Variants in LARP1 observed in about 807,000 individuals in gnomAD.
LARP1 encodes la-related protein 1.
A neutral mutation model predicts 122.7 loss-of-function variants in LARP1; 36 were observed. That is an observed-to-expected ratio of 0.29 (90% CI 0.22 to 0.39). The LOEUF is 0.39. Among genes scored for constraint, LARP1 ranks in the 10% least tolerant of loss-of-function variants. The pLI, the probability that LARP1 is intolerant of heterozygous loss-of-function variation, is 1.00. For missense variants in LARP1, 1,040 were observed against 1,403.6 expected (o/e 0.74, Z 4.14); for synonymous variants, 539 against 528.7 (o/e 1.02, Z -0.27).
At chr5:154,695,142 C>A (rs1380697264) in intron 1 of LARP1, among the ~76,000 whole-genome samples, 2 of 151,992 alleles carry the variant, frequency 1.3e-5, no homozygotes, top group Admixed American at 1.3e-4. Flanking sequence ...GGTGAAACCC[C>A]GTCTCTACTA....
At chr5:154,741,752 G>A (rs1486166567) in intron 1 of LARP1, among the ~76,000 whole-genome samples, 1 of 152,224 alleles carries the variant, frequency 6.6e-6, no homozygotes, top group Admixed American at 6.5e-5. Context: ...GTGGGCCAAA[G>A]TGAGAGGTCT....
chr5:154,737,960 G>A (rs1254043969), intron 1 of LARP1, among the ~76,000 whole-genome samples: 1 of 152,016 alleles, frequency 6.6e-6, no homozygotes, highest in East Asian at 1.9e-4. Context: ...CTCAGATCTT[G>A]TCTTCATCTC....
upstream of LARP1, among the ~76,000 whole-genome samples, chr5:154,708,082 C>CG (rs573536424): frequency 3.5e-3 from 538 of 152,246 alleles, 3 homozygotes; most frequent in African/African-American, 0.012. Context: ...CTTCCCAGTT[C>CG]GGGGGTCTTT....
At chr5:154,756,229 C>T in intron 1 of LARP1, 36 bp downstream of exon 1, 1 of 1,209,786 alleles carries the variant, frequency 8.3e-7, no homozygotes, top group South Asian at 1.5e-5. Context: ...GGTCCGGGGG[C>T]CTCTTCCGGG....
Position 154,815,580 on chromosome 5 carries a change from T to A in LARP1, c.*1484T>A, listed in dbSNP as rs112007170. ...TCTCTCCCTAAGGTCTGGTGGAGTC[T>A]CCCCATCTTGCATACCCTTCTGCAA... On this transcript the variant is annotated 3_prime_UTR_variant, in exon 19 of 19. Coordinates refer to ENST00000518297, the MANE Select transcript of LARP1 (RefSeq NM_033551.3). The A allele has an allele frequency of 3.3e-5, 5 of 152,282 alleles. No individual in the cohort carries two copies. In the South Asian group the frequency reaches 1.0e-3, roughly 32 times the overall value. The allele number at this position is 152,282 out of a possible 1,614,324, so 9.4% of individuals were successfully genotyped here. A position where few individuals can be genotyped will look rare whatever the true frequency, so the allele number is the denominator to read the frequency against.
At chr5:154,732,679 C>T (rs948141447) in intron 1 of LARP1, among the ~76,000 whole-genome samples, 3 of 152,168 alleles carry the variant, frequency 2.0e-5, no homozygotes, top group African/African-American at 7.2e-5. Context: ...GCAAAATATT[C>T]ATCCTATAGG....
intron 1 of LARP1, chr5:154,729,646 A>T: frequency 2.5e-6 from 1 of 402,660 alleles, no homozygotes; most frequent in East Asian, 6.3e-5. Context: ...AGAACCAATG[A>T]ATAGGAGCCT....
intron 1 of LARP1, among the ~76,000 whole-genome samples, chr5:154,704,041 C>G (rs1239690705): frequency 6.6e-6 from 1 of 152,150 alleles, no homozygotes; most frequent in Admixed American, 6.5e-5. Context: ...GCAATGTATA[C>G]CCCCAGGGAG....
At chr5:154,781,393 C>G (rs1756420452) in intron 1 of LARP1, among the ~76,000 whole-genome samples, 1 of 152,158 alleles carries the variant, frequency 6.6e-6, no homozygotes, top group African/African-American at 2.4e-5. Flanking sequence ...GAGATCGAGA[C>G]CATCCTGGCT....
At chr5:154,726,526 G>T (rs1292218051) in intron 1 of LARP1, among the ~76,000 whole-genome samples, 1 of 152,140 alleles carries the variant, frequency 6.6e-6, no homozygotes, top group Non-Finnish European at 1.5e-5. Flanking sequence ...ATATAGTCAA[G>T]AAATTACATG....
At chr5:154,697,579 A>G (rs1365629198) in intron 1 of LARP1, among the ~76,000 whole-genome samples, 1 of 152,238 alleles carries the variant, frequency 6.6e-6, no homozygotes, top group Non-Finnish European at 1.5e-5. Flanking sequence ...TTATTCAGCC[A>G]TAACAGGGAA....
chr5:154,811,622 T>C lies in LARP1; in HGVS notation c.3063T>C (p.Leu1021=). Residue 1021 remains leucine, a synonymous_variant, in exon 18 of 19, where the codon CTT becomes CTC. Transcript: ENST00000518297. The part of the protein sequence containing the change: ...LQEYLGKFRR[L]EDFRVDPPMG... ...AATACCTCGGCAAATTCCGACGTCT[T>C]GAAGACTTCCGAGTAGATGTAAGTG... is the stretch of plus-strand genomic sequence containing the variant. 1.2e-6 allele frequency: 2 copies of C among 1,614,210 alleles called. No homozygotes were observed. The highest frequency in any genetic ancestry group is 1.7e-6 in the Non-Finnish European group (2 of 1,180,036).
intron 1 of LARP1, among the ~76,000 whole-genome samples, chr5:154,782,778 C>T (rs547070970): frequency 9.8e-5 from 15 of 152,286 alleles, no homozygotes; most frequent in African/African-American, 3.6e-4. Context: ...GGTGGGAGGA[C>T]TGGGCAGAGA....
intron 1 of LARP1, among the ~76,000 whole-genome samples, chr5:154,768,912 G>A (rs1485158681): frequency 2.0e-5 from 3 of 152,152 alleles, no homozygotes; most frequent in Non-Finnish European, 4.4e-5. Flanking sequence ...CGTGATCTCA[G>A]CTCACTGCAA....
At position 154,692,987 on chromosome 5, in the gene LARP1, AATT is replaced by A. The variant is rs1028889917; in HGVS notation, c.-180+9954_-180+9956del. Reference sequence around the variant, plus strand: ...CCATACCCAGCTAATTTTAATTTTTAATTATTTTTTTTTTTTTTGTAGAGACAA... The same window carrying A: ...CCATACCCAGCTAATTTTAATTTTTAATTTTTTTTTTTTTTGTAGAGACAA... On this transcript the variant is annotated intron_variant, in intron 1 of 18. Transcript: ENST00000687700. 3.0e-4 allele frequency among the ~76,000 whole-genome samples: 20 copies of A among 65,656 alleles called. 1 individual carries two copies. The highest frequency in any genetic ancestry group is 1.8e-3 in the African/African-American group (17 of 9,704). The allele number at this position is 65,656 out of a possible 152,430, so 43.1% of individuals were successfully genotyped here. A position where few individuals can be genotyped will look rare whatever the true frequency, so the allele number is the denominator to read the frequency against.
intron 3 of LARP1, among the ~76,000 whole-genome samples, 161 bp downstream of exon 3, chr5:154,790,871 G>T (rs1184686268): frequency 6.6e-6 from 1 of 152,048 alleles, no homozygotes; most frequent in Admixed American, 6.6e-5. Flanking sequence ...AGGTTGGAGT[G>T]CCATGGTACA....
At chr5:154,736,536 T>TTTTATTTATTTATTTATTTATTTA (rs56109800) in intron 1 of LARP1, among the ~76,000 whole-genome samples, 1 of 133,162 alleles carries the variant, frequency 7.5e-6, no homozygotes, top group African/African-American at 2.9e-5. Context: ...CCTGGCCTAT[T>TTTTATTTATTTATTTATTTATTTA]TTTATTTATT....
At chr5:154,737,640 A>G (rs2113440894) in intron 1 of LARP1, among the ~76,000 whole-genome samples, 1 of 151,762 alleles carries the variant, frequency 6.6e-6, no homozygotes, top group South Asian at 2.1e-4. Context: ...ACGGGATTTC[A>G]CCTTGTTGGT....
At chr5:154,722,638 G>A (rs1326886190) in intron 1 of LARP1, among the ~76,000 whole-genome samples, 3 of 150,382 alleles carry the variant, frequency 2.0e-5, no homozygotes, top group African/African-American at 7.3e-5. Flanking sequence ...CTCATTCTTA[G>A]AATGTTAGAG....
Sources: gnomAD v4.1 joint callset for allele counts (sites outside exome capture counted in the v4.1 genomes callset) on GRCh38, gnomAD v4.1.1 for gene constraint, MANE v1.5 for transcripts, NCBI Gene and HGNC (gene_info 2026-07-23, HGNC 2026-07-21) for gene names.